The following LRBA variants were observed in gnomAD, a reference collection of about 807,000 sequenced individuals.
The protein encoded by LRBA is lipopolysaccharide-responsive and beige-like anchor protein.
In LRBA, 176 loss-of-function variants were observed where a neutral mutation model predicts 330.0. The observed-to-expected ratio is 0.53, with a 90% CI of 0.47 to 0.60. The LOEUF (loss-of-function observed/expected upper bound fraction) is 0.60. Ranked by LOEUF, LRBA falls within the 20% of genes least tolerant of loss-of-function variation. The pLI is 0.00. For synonymous variants in LRBA, 1,230 were observed against 1,193.0 expected (o/e 1.03, Z -0.64); for missense variants, 3,259 against 3,444.8 (o/e 0.95, Z 1.35).
intron 47 of LRBA, among the ~76,000 whole-genome samples, chr4:150,386,325 C>T (rs1041208585): frequency 5.9e-5 from 9 of 152,008 alleles, no homozygotes; most frequent in African/African-American, 2.2e-4. Flanking sequence ...AAAAAGGATA[C>T]ACATAAATAT....
chr4:150,878,014 T>C (rs1754245234), intron 17 of LRBA, among the ~76,000 whole-genome samples: 1 of 152,056 alleles, frequency 6.6e-6, no homozygotes, highest in Non-Finnish European at 1.5e-5. Flanking sequence ...ACCAAAACTC[T>C]AGGATACAGC....
At chr4:150,893,013 A>C in intron 17 of LRBA, 39 bp downstream of exon 17, 1 of 1,260,338 alleles carries the variant, frequency 7.9e-7, no homozygotes, top group Non-Finnish European at 1.1e-6. Context: ...AAATATTTCC[A>C]AACTAATCCC....
At chr4:150,809,849 AAATAC>A (rs1315096029) in intron 31 of LRBA, among the ~76,000 whole-genome samples, 4 of 144,908 alleles carry the variant, frequency 2.8e-5, no homozygotes, top group Non-Finnish European at 4.5e-5. Context: ...CCCTGTCTTA[AAATAC>A]GATACGATAC....
chr4:150,602,616 G>T (rs1482816528), intron 37 of LRBA, among the ~76,000 whole-genome samples: 2 of 152,052 alleles, frequency 1.3e-5, no homozygotes, highest in African/African-American at 2.4e-5. Context: ...TTTTAAAACA[G>T]TATTATAAAG....
intron 2 of LRBA, among the ~76,000 whole-genome samples, chr4:150,979,199 C>T (rs1250943631): frequency 6.6e-6 from 1 of 152,164 alleles, no homozygotes; most frequent in Non-Finnish European, 1.5e-5. Flanking sequence ...GCTGACTTTT[C>T]AGTGGAAACC....
intron 33 of LRBA, among the ~76,000 whole-genome samples, chr4:150,803,091 C>T (rs866150868): frequency 0.086 from 12,243 of 142,116 alleles, 950 homozygotes; most frequent in African/African-American, 0.22. Flanking sequence ...TATACACACA[C>T]ACACACACAC....
intron 47 of LRBA, among the ~76,000 whole-genome samples, chr4:150,371,081 C>G (rs1235016762): frequency 6.6e-6 from 1 of 151,454 alleles, no homozygotes; most frequent in East Asian, 1.9e-4. Flanking sequence ...TAAACTCACA[C>G]TTTTCATATC....
At chr4:150,426,818 AT>A (rs200601065) in intron 46 of LRBA, among the ~76,000 whole-genome samples, 2,718 of 151,770 alleles carry the variant, frequency 0.018, 35 homozygotes, top group Non-Finnish European at 0.027. Context: ...CAAATATATT[AT>A]TTTTTTTATT....
chr4:150,300,947 G>T (rs1307933238), intron 53 of LRBA, among the ~76,000 whole-genome samples: 3 of 151,906 alleles, frequency 2.0e-5, no homozygotes, highest in Admixed American at 2.0e-4. Context: ...AAGAAACCAA[G>T]AACCCAAATA....
intron 36 of LRBA, among the ~76,000 whole-genome samples, chr4:150,720,756 T>C (rs1270263695): frequency 1.3e-5 from 2 of 152,170 alleles, no homozygotes; most frequent in Non-Finnish European, 2.9e-5. Context: ...TGTCCCAGGA[T>C]AATTTGATAA....
intron 2 of LRBA, among the ~76,000 whole-genome samples, chr4:151,003,885 CTGTG>C (rs56025404): frequency 0.22 from 29,481 of 133,824 alleles, 3,175 homozygotes; most frequent in Non-Finnish European, 0.25. Flanking sequence ...TAGCCAACTG[CTGTG>C]TGTGTGTGTG....
chr4:150,806,282 A>G lies in LRBA; in HGVS notation c.5507T>C (p.Ile1836Thr), dbSNP rs1438297040. 6 of 1,583,626 alleles carry G rather than the reference A, an allele frequency of 3.8e-6. No homozygotes were observed. Among genetic ancestry groups the G allele is most frequent in the Non-Finnish European group, 5.1e-6 (6 of 1,167,596 alleles). Residue 1836 changes from isoleucine (I) to threonine (T), a missense_variant, in exon 33 of 57, where the codon ATA becomes ACA. Coordinates refer to ENST00000651943, the MANE Select transcript of LRBA (RefSeq NM_001364905.1). ...LLGSHGQELL[I>T]EGTSLVCMKS... ...GAAAAACCACTTACTTGTTCCTTCT[A>G]TAAGCAGTTCTTGTCCATGGCTACC...
At chr4:150,443,741 A>C (rs961276636) in intron 44 of LRBA, among the ~76,000 whole-genome samples, 1 of 151,646 alleles carries the variant, frequency 6.6e-6, no homozygotes, top group Non-Finnish European at 1.5e-5. Context: ...AGATATACTT[A>C]ATGTAAATGA....
At chr4:150,399,641 G>A (rs765550501) in intron 47 of LRBA, among the ~76,000 whole-genome samples, 21 of 152,220 alleles carry the variant, frequency 1.4e-4, no homozygotes, top group African/African-American at 2.9e-4. Context: ...CTCTGTTGGC[G>A]TGGTTGGTGG....
chr4:150,849,514 T>G lies in LRBA; in HGVS notation c.4066A>C (p.Asn1356His). ...ACTTGAGAGATGAGATGAATTGTGT[T>G]GTGTACAAAGATGACATTATCACTG... ...NSSDNVIFVHNTIHLISQVMD... is the reference protein window; with the variant it reads ...NSSDNVIFVHHTIHLISQVMD... The change falls in exon 25 of 57, where the codon AAC (asparagine) becomes CAC (histidine). Residue 1356 changes from asparagine (N) to histidine (H), a missense_variant. Asn to His is a moderately conservative substitution (Grantham distance 68). Coordinates refer to ENST00000651943, the MANE Select transcript of LRBA (RefSeq NM_001364905.1). 6.2e-7 allele frequency: 1 copy of G among 1,613,380 alleles called. No individual in the cohort carries two copies. The highest frequency in any genetic ancestry group is 8.5e-7 in the Non-Finnish European group (1 of 1,179,290).
At chr4:150,292,852 T>C (rs906926142) in intron 53 of LRBA, among the ~76,000 whole-genome samples, 1 of 152,174 alleles carries the variant, frequency 6.6e-6, no homozygotes, top group African/African-American at 2.4e-5. Flanking sequence ...TCCATACCAC[T>C]TGTAACAACT....
At chr4:150,639,785 GTGTGTGTA>G (rs1288756997) in intron 37 of LRBA, among the ~76,000 whole-genome samples, 3 of 2,916 alleles carry the variant, frequency 1.0e-3, no homozygotes, top group African/African-American at 2.1e-3. Context: ...ATATATATGT[GTGTGTGTA>G]TATATATATA....
intron 44 of LRBA, among the ~76,000 whole-genome samples, chr4:150,445,230 C>T (rs986449377): frequency 6.6e-6 from 1 of 151,598 alleles, no homozygotes; most frequent in Non-Finnish European, 1.5e-5. Context: ...TTCTATAAAC[C>T]AGAAACAAAA....
chr4:150,668,961 C>T (rs1781810240), intron 37 of LRBA, among the ~76,000 whole-genome samples: 1 of 152,088 alleles, frequency 6.6e-6, no homozygotes, highest in Non-Finnish European at 1.5e-5. Flanking sequence ...GAGTAAAAGC[C>T]AGCCATGAAG....
Sources: gnomAD v4.1 joint callset for allele counts (sites outside exome capture counted in the v4.1 genomes callset) on GRCh38, gnomAD v4.1.1 for gene constraint, MANE v1.5 for transcripts, NCBI Gene and HGNC (gene_info 2026-07-23, HGNC 2026-07-21) for gene names.